The following CDK17 variants were observed in gnomAD, a reference collection of about 807,000 sequenced individuals.
CDK17 encodes the protein cyclin dependent kinase 17.
Under a neutral mutation model 77.6 loss-of-function variants are expected in CDK17, and 24 were observed. The ratio of observed to expected loss-of-function variants is 0.31; its 90% CI spans 0.22 to 0.44. The LOEUF (loss-of-function observed/expected upper bound fraction) is 0.44. Ranked by LOEUF, CDK17 falls within the 20% of genes least tolerant of loss-of-function variation. CDK17 has a pLI of 1.00. For missense variants in CDK17, 429 were observed against 622.5 expected (o/e 0.69, Z 3.31); for synonymous variants, 203 against 210.4 (o/e 0.96, Z 0.30).
chr12:96,326,832 G>T (rs1952897432), intron 2 of CDK17, among the ~76,000 whole-genome samples: 1 of 152,204 alleles, frequency 6.6e-6, no homozygotes, highest in East Asian at 1.9e-4. Flanking sequence ...TACCAGGTGA[G>T]ACCACAGAGG....
rs1222286922 is a variant in CDK17 at position 96,279,472 on chromosome 12, A to G, written c.*770T>C. 6.6e-6 allele frequency: 1 copy of G among 152,242 alleles called. No individual in the cohort carries two copies. The highest frequency in any genetic ancestry group is 2.4e-5 in the African/African-American group (1 of 41,470). 9.4% of individuals were successfully genotyped at this position (152,242 alleles called of 1,614,324 possible). A position where few individuals can be genotyped will look rare whatever the true frequency, so the allele number is the denominator to read the frequency against. Reference sequence around the variant, plus strand: ...TTTAAAACACAATGTAAAATAGGTAAGTGTATTAGTATACAAATATCCAGT... The same window carrying G: ...TTTAAAACACAATGTAAAATAGGTAGGTGTATTAGTATACAAATATCCAGT... On this transcript the variant is annotated 3_prime_UTR_variant, in exon 17 of 17. Transcript: ENST00000261211.
chr12:96,395,409 T>C (rs1211186904), intron 1 of CDK17, among the ~76,000 whole-genome samples: 1 of 152,150 alleles, frequency 6.6e-6, no homozygotes, highest in Non-Finnish European at 1.5e-5. Flanking sequence ...GAGTAGTGGT[T>C]TGAATGCCTA....
At chr12:96,388,024 G>A (rs930132784) in intron 1 of CDK17, among the ~76,000 whole-genome samples, 1 of 151,604 alleles carries the variant, frequency 6.6e-6, no homozygotes, top group Admixed American at 6.6e-5. Context: ...AACCCTAGCA[G>A]TTTGGGAGGC....
intron 7 of CDK17, among the ~76,000 whole-genome samples, chr12:96,298,641 A>G (rs1450723237): frequency 2.0e-5 from 3 of 152,166 alleles, no homozygotes; most frequent in African/African-American, 7.2e-5. Flanking sequence ...TTTCCCTATG[A>G]CAAATAGTTG....
In CDK17 at chr12:96,333,253, T is replaced by C. The variant is rs1038200097; in HGVS notation, c.118+1466A>G. On this transcript the variant is annotated intron_variant, in intron 2 of 16. Transcript: ENST00000261211. The stretch of plus-strand genomic sequence containing the variant: ...TCTGGCAAGAGGAACAACAGTAAAA[T>C]CATGATGTTTGAGATTTGACCCAAA... Among the ~76,000 whole-genome samples, 4 of 151,994 alleles carry C rather than the reference T, an allele frequency of 2.6e-5. No individual in the cohort carries two copies. The East Asian group carries it at 7.7e-4, about 29-fold the overall frequency.
At chr12:96,282,972 A>G (rs1952195755) in intron 14 of CDK17, among the ~76,000 whole-genome samples, 1 of 151,948 alleles carries the variant, frequency 6.6e-6, no homozygotes, top group South Asian at 2.1e-4. Flanking sequence ...TTAACGACCT[A>G]TCCAATACTC....
chr12:96,397,293 A>G (rs576884772), intron 1 of CDK17, among the ~76,000 whole-genome samples: 1 of 148,136 alleles, frequency 6.8e-6, no homozygotes, highest in South Asian at 2.1e-4. Context: ...TAAATTTTCT[A>G]TTTTTTTTTT....
chr12:96,351,710 C>G (rs1953315809), intron 1 of CDK17, among the ~76,000 whole-genome samples: 1 of 152,130 alleles, frequency 6.6e-6, no homozygotes, highest in African/African-American at 2.4e-5. Context: ...TTTTAACTGT[C>G]GTGTTAGCAG....
intron 1 of CDK17, among the ~76,000 whole-genome samples, chr12:96,359,865 A>G (rs11108479): frequency 6.6e-6 from 1 of 152,176 alleles, no homozygotes; most frequent in Non-Finnish European, 1.5e-5. Flanking sequence ...AGAAATTTCA[A>G]AGAAATATTT....
At chr12:96,353,170 A>T (rs975438424) in intron 1 of CDK17, among the ~76,000 whole-genome samples, 1 of 152,258 alleles carries the variant, frequency 6.6e-6, no homozygotes, top group East Asian at 1.9e-4. Context: ...CAAAAAACAT[A>T]TATAAATACA....
chr12:96,398,702 A>G (rs1163225436), intron 1 of CDK17, among the ~76,000 whole-genome samples: 2 of 152,234 alleles, frequency 1.3e-5, no homozygotes, highest in African/African-American at 4.8e-5. Flanking sequence ...ATTTCCTGAT[A>G]AGTGACTGAA....
At chr12:96,325,408 A>G (rs1165746208) in intron 2 of CDK17, among the ~76,000 whole-genome samples, 4 of 152,226 alleles carry the variant, frequency 2.6e-5, no homozygotes, top group Admixed American at 6.5e-5. Flanking sequence ...TTTCTCAACT[A>G]AGGACAGGTT....
chr12:96,338,736 A>G (rs905940041), intron 1 of CDK17, among the ~76,000 whole-genome samples: 1 of 150,618 alleles, frequency 6.6e-6, no homozygotes, highest in Non-Finnish European at 1.5e-5. Flanking sequence ...TTTTTTGGTG[A>G]GCGATAATAA....
At chr12:96,342,202 C>T (rs1953132393) in intron 1 of CDK17, among the ~76,000 whole-genome samples, 1 of 152,118 alleles carries the variant, frequency 6.6e-6, no homozygotes, top group Non-Finnish European at 1.5e-5. Flanking sequence ...TAAATAAAAA[C>T]TACTGTAAAA....
chr12:96,319,116 T>C (rs1353623054), intron 3 of CDK17, among the ~76,000 whole-genome samples: 1 of 147,406 alleles, frequency 6.8e-6, no homozygotes, highest in Non-Finnish European at 1.5e-5. Context: ...ATAAAGGGGA[T>C]ATCACCACTG....
At chr12:96,385,351 A>G (rs1953955205) in intron 1 of CDK17, among the ~76,000 whole-genome samples, 1 of 152,016 alleles carries the variant, frequency 6.6e-6, no homozygotes, top group African/African-American at 2.4e-5. Context: ...GACACTGGAG[A>G]TGACTAGAAG....
chr12:96,286,913 G>A (rs1318948072), intron 11 of CDK17, 152 bp from the exon 12 acceptor site: 6 of 581,418 alleles, frequency 1.0e-5, no homozygotes, highest in African/African-American at 1.9e-5. Context: ...TAATTTGTTC[G>A]CATTTACCCT....
chr12:96,383,869 A>C (rs1953926530), intron 1 of CDK17, among the ~76,000 whole-genome samples: 1 of 152,232 alleles, frequency 6.6e-6, no homozygotes, highest in Non-Finnish European at 1.5e-5. Flanking sequence ...TTTATGGCTA[A>C]GTCCCCAAAA....
At chr12:96,325,757 G>A (rs1375873430) in intron 2 of CDK17, among the ~76,000 whole-genome samples, 3 of 152,194 alleles carry the variant, frequency 2.0e-5, no homozygotes, top group Non-Finnish European at 2.9e-5. Context: ...GGGATCTTAA[G>A]TGAAGCAAAA....
Sources: allele counts gnomAD v4.1 joint callset (sites outside exome capture counted in the v4.1 genomes callset), GRCh38; gene constraint gnomAD v4.1.1; transcripts MANE v1.5; gene names NCBI Gene and HGNC (gene_info 2026-07-23, HGNC 2026-07-21).